The following DOCK7 variants were observed in gnomAD, a reference collection of about 807,000 sequenced individuals.
DOCK7 encodes the protein dedicator of cytokinesis 7.
A neutral mutation model predicts 271.0 loss-of-function variants in DOCK7; 138 were observed. The observed-to-expected ratio is 0.51, with a 90% CI of 0.44 to 0.59. The LOEUF (loss-of-function observed/expected upper bound fraction) is 0.59, where lower values mean the gene tolerates loss of function less well. Among genes scored for constraint, DOCK7 ranks in the 20% least tolerant of loss-of-function variants. The probability of loss-of-function intolerance (pLI) is 0.00; values close to 1 mark genes in which losing one functional copy is unlikely to be tolerated. For synonymous variants in DOCK7, 823 were observed against 876.1 expected (o/e 0.94, Z 1.07); for missense variants, 2,066 against 2,592.4 (o/e 0.80, Z 4.41).
intron 14 of DOCK7, among the ~76,000 whole-genome samples, chr1:62,610,752 G>C (rs1238188656): frequency 2.6e-5 from 4 of 152,056 alleles, no homozygotes; most frequent in Non-Finnish European, 4.4e-5. Context: ...TGAGAATGAT[G>C]GTTTCCAGCT....
Position 62,545,048 on chromosome 1 carries a change from A to T in DOCK7, c.2767-9T>A. ...TTGGAGCGATCTAAACCCTAAGCAT[A>T]TAATAGAAAGCAGTTTGAAAGGAAA... On this transcript the variant is annotated splice_polypyrimidine_tract_variant and intron_variant, in intron 22 of 49. Transcript: ENST00000635253. 1.3e-6 allele frequency: 2 copies of T among 1,543,220 alleles called. No individual in the cohort carries two copies. The highest frequency in any genetic ancestry group is 2.4e-5 in the South Asian group (2 of 82,686).
intron 1 of DOCK7, among the ~76,000 whole-genome samples, chr1:62,680,021 G>A (rs1368168859): frequency 6.6e-6 from 1 of 152,168 alleles, no homozygotes; most frequent in Non-Finnish European, 1.5e-5. Flanking sequence ...TTTCTTCAGA[G>A]AATTGGAAAA....
intron 22 of DOCK7, among the ~76,000 whole-genome samples, chr1:62,550,700 T>TTTGA (rs1363200819): frequency 6.7e-6 from 1 of 149,352 alleles, no homozygotes; most frequent in Non-Finnish European, 1.5e-5. Context: ...GGAACTGAGG[T>TTTGA]TTGATTATAA....
chr1:62,680,711 A>G (rs1023393951), intron 1 of DOCK7, among the ~76,000 whole-genome samples: 14 of 151,968 alleles, frequency 9.2e-5, no homozygotes, highest in Admixed American at 5.9e-4. Context: ...AACCCCATCA[A>G]AAAGTGGGCA....
At chr1:62,552,635 A>T (rs1392687592) in intron 22 of DOCK7, 97 bp downstream of exon 22, 9 of 1,210,900 alleles carry the variant, frequency 7.4e-6, no homozygotes, top group Non-Finnish European at 9.0e-6. Flanking sequence ...CCTAACTTAC[A>T]TACATCTCAA....
intron 14 of DOCK7, among the ~76,000 whole-genome samples, chr1:62,589,486 A>G (rs191640090): frequency 2.6e-3 from 389 of 151,758 alleles, no homozygotes; most frequent in Middle Eastern, 6.8e-3. Flanking sequence ...TTTTCCCCCG[A>G]CCTGGAGTCA....
chr1:62,686,745 T>G (rs1661802752), intron 1 of DOCK7, among the ~76,000 whole-genome samples: 1 of 152,134 alleles, frequency 6.6e-6, no homozygotes, highest in African/African-American at 2.4e-5. Context: ...GCCCAACAAC[T>G]TGGCCAAAGT....
chr1:62,630,123 T>C (rs1654438060), intron 11 of DOCK7, among the ~76,000 whole-genome samples: 1 of 152,176 alleles, frequency 6.6e-6, no homozygotes, highest in Non-Finnish European at 1.5e-5. Context: ...CTAAGGAACC[T>C]GGGAGTGGCC....
chr1:62,502,787 G>A (rs1426895320), intron 37 of DOCK7, among the ~76,000 whole-genome samples: 2 of 151,962 alleles, frequency 1.3e-5, no homozygotes, highest in African/African-American at 4.8e-5. Context: ...GAGGCAAGAG[G>A]GAAAGGCATA....
rs148526994 is a variant in DOCK7 at position 62,666,312 on chromosome 1, T to G, written c.39-3182A>C. On this transcript the variant is annotated intron_variant, in intron 1 of 49. Coordinates refer to ENST00000635253, the MANE Select transcript of DOCK7 (RefSeq NM_001367561.1). Reference sequence around the variant, plus strand: ...AGATGTTAAAATGTGAAATTTAAAATAATGAAACATAGTTACTTCAAAAAG... The same window carrying G: ...AGATGTTAAAATGTGAAATTTAAAAGAATGAAACATAGTTACTTCAAAAAG... Among the ~76,000 whole-genome samples the G allele has an allele frequency of 1.8e-3, 279 of 152,308 alleles. 1 individual carries two copies. The highest frequency in any genetic ancestry group is 6.5e-3 in the African/African-American group (271 of 41,578).
chr1:62,510,379 T>C (rs1197438584), intron 34 of DOCK7, among the ~76,000 whole-genome samples, 198 bp downstream of exon 34: 1 of 152,222 alleles, frequency 6.6e-6, no homozygotes, highest in Non-Finnish European at 1.5e-5. Context: ...ATATTTTGCC[T>C]TACTATACCA....
rs199940827 is a variant in DOCK7, at chr1:62,552,739, C to A, written c.2759G>T (p.Gly920Val). Residue 920 changes from glycine to valine, a missense_variant, in exon 22 of 50, where the codon GGG (glycine) becomes GTG (valine). Coordinates refer to ENST00000635253, the MANE Select transcript of DOCK7 (RefSeq NM_001367561.1). ...TGCATGTCTTCAGTTTACCTTACTC[C>A]CGATGATTGATCGAACTTCATCATC... ...SPDDEVRSII[G>V]SKGLDRSNSW... 4.3e-6 allele frequency: 7 copies of A among 1,610,308 alleles called. No individual in the cohort carries two copies. In the East Asian group the frequency reaches 1.6e-4, roughly 36 times the overall value.
chr1:62,581,215 T>C (rs1042906858), intron 16 of DOCK7, among the ~76,000 whole-genome samples: 1 of 151,794 alleles, frequency 6.6e-6, no homozygotes, highest in African/African-American at 2.4e-5. Flanking sequence ...GAAGAATGAG[T>C]AGGAGTTCAA....
chr1:62,584,413 T>A lies in DOCK7; in HGVS notation c.1801-1159A>T, dbSNP rs945077054. The A allele has an allele frequency of 6.1e-5, 60 of 989,580 alleles. No individual in the cohort carries two copies. In the South Asian group the frequency reaches 1.5e-3, roughly 24 times the overall value. The allele number at this position is 989,580 out of a possible 1,614,324, so 61.3% of individuals were successfully genotyped here. On this transcript the variant is annotated intron_variant, in intron 15 of 49. Coordinates refer to ENST00000635253, the MANE Select transcript of DOCK7 (RefSeq NM_001367561.1). ...GGACCCATTTAAACAGCCCTTTTTT[T>A]AAAAAAGGCAAACACAGTATGTCTA...
chr1:62,633,317 G>A (rs1654857722), intron 10 of DOCK7, among the ~76,000 whole-genome samples, 181 bp downstream of exon 10: 1 of 152,022 alleles, frequency 6.6e-6, no homozygotes, highest in South Asian at 2.1e-4. Context: ...AAATAAAGAA[G>A]AAAGGAAGAT....
At chr1:62,501,307 C>T (rs999567697) in intron 37 of DOCK7, among the ~76,000 whole-genome samples, 110 of 152,188 alleles carry the variant, frequency 7.2e-4, no homozygotes, top group African/African-American at 2.6e-3. Flanking sequence ...TTTCATTTTA[C>T]AACTAAGACT....
chr1:62,664,051 C>T (rs1658987397), intron 1 of DOCK7, among the ~76,000 whole-genome samples: 2 of 152,078 alleles, frequency 1.3e-5, no homozygotes, highest in South Asian at 4.1e-4. Context: ...ATAGAGGAAC[C>T]TTAAAAGAAT....
chr1:62,669,860 A>T (rs1169200280), intron 1 of DOCK7, among the ~76,000 whole-genome samples: 1 of 151,990 alleles, frequency 6.6e-6, no homozygotes. Flanking sequence ...GCCGGAGCCC[A>T]CTCCCTCAGC....
In DOCK7 at chr1:62,669,811, C is replaced by A. The variant is rs1018175006; in HGVS notation, c.39-6681G>T. 1.6e-4 allele frequency among the ~76,000 whole-genome samples: 25 copies of A among 152,354 alleles called. No individual in the cohort carries two copies. The East Asian group carries it at 3.7e-3, about 22-fold the overall frequency. On this transcript the variant is annotated intron_variant, in intron 1 of 49. Coordinates refer to ENST00000635253, the MANE Select transcript of DOCK7 (RefSeq NM_001367561.1). ...TGGCATTTGAGGAGCCCTTCAGTCCCCCACTGCACTGTGGGAGCCCCTTTC... is the reference window on the plus strand; with the variant it reads ...TGGCATTTGAGGAGCCCTTCAGTCCACCACTGCACTGTGGGAGCCCCTTTC...
Sources: gnomAD v4.1 joint callset for allele counts (sites outside exome capture counted in the v4.1 genomes callset) on GRCh38, gnomAD v4.1.1 for gene constraint, MANE v1.5 for transcripts, NCBI Gene and HGNC (gene_info 2026-07-23, HGNC 2026-07-21) for gene names.